DPY19L4: variants seen among roughly 807,000 people sequenced by gnomAD.
DPY19L4 encodes probable C-mannosyltransferase DPY19L4.
DPY19L4 carries 97 observed loss-of-function variants against 102.8 expected under a neutral mutation model. The observed-to-expected ratio is 0.94, with a 90% CI of 0.80 to 1.12. The LOEUF (loss-of-function observed/expected upper bound fraction) is 1.12. DPY19L4 is among the 50% of genes most tolerant of loss of function. The probability of loss-of-function intolerance (pLI) is 0.00; values close to 1 mark genes in which losing one functional copy is unlikely to be tolerated. For synonymous variants in DPY19L4, 252 were observed against 283.1 expected, an observed-to-expected ratio of 0.89 and a Z score of 1.10; for missense variants, 815 against 850.4, an observed-to-expected ratio of 0.96 and a Z score of 0.52.
At chr8:94,747,477 G>A (rs1316386287) in intron 6 of DPY19L4, among the ~76,000 whole-genome samples, 3 of 151,648 alleles carry the variant, frequency 2.0e-5, no homozygotes, top group African/African-American at 7.3e-5. Context: ...ACACGAAAGT[G>A]AGCACTGAAG....
At chr8:94,759,563 A>G (rs1357150815) in intron 7 of DPY19L4, among the ~76,000 whole-genome samples, 1 of 127,746 alleles carries the variant, frequency 7.8e-6, no homozygotes, top group Non-Finnish European at 1.6e-5. Context: ...CTAGAGTGCA[A>G]TGGCATGATC....
chr8:94,731,062 A>C (rs1286590382), intron 2 of DPY19L4, among the ~76,000 whole-genome samples: 24 of 151,626 alleles, frequency 1.6e-4, no homozygotes, highest in African/African-American at 5.8e-4. Flanking sequence ...TCTCAAAAAA[A>C]AAAAAAAAAA....
In DPY19L4 at chr8:94,790,314, C is replaced by T. The variant is rs1813839736; in HGVS notation, c.*404C>T. Reference sequence around the variant, plus strand: ...TAATTATTTAATAGAAAGAATAATTCCGACCTTCAAGCAAGTTTCTGAAGG... The same window carrying T: ...TAATTATTTAATAGAAAGAATAATTTCGACCTTCAAGCAAGTTTCTGAAGG... On this transcript the variant is annotated 3_prime_UTR_variant, in exon 19 of 19. Coordinates refer to ENST00000414645, the MANE Select transcript of DPY19L4 (RefSeq NM_181787.3). 1 of 152,758 alleles carries T rather than the reference C, an allele frequency of 6.5e-6. No homozygotes were observed. Among genetic ancestry groups the T allele is most frequent in the Admixed American group, 6.5e-5 (1 of 15,270 alleles). 9.5% of individuals were successfully genotyped at this position (152,758 alleles called of 1,614,324 possible). A position where few individuals can be genotyped will look rare whatever the true frequency, so the allele number is the denominator to read the frequency against.
intron 13 of DPY19L4, among the ~76,000 whole-genome samples, chr8:94,774,547 C>T (rs1026184089): frequency 2.0e-5 from 3 of 150,668 alleles, no homozygotes; most frequent in Admixed American, 2.0e-4. Flanking sequence ...CCCTCAACCT[C>T]TAATAATCAC....
intron 6 of DPY19L4, 21 bp downstream of exon 6, chr8:94,739,811 G>T (rs879207375): frequency 6.2e-7 from 1 of 1,609,194 alleles, no homozygotes; most frequent in South Asian, 1.1e-5. Context: ...TGTTTTAATT[G>T]ATTTTTAAAA....
At chr8:94,723,794 A>G (rs768028854) in intron 1 of DPY19L4, among the ~76,000 whole-genome samples, 11 of 152,146 alleles carry the variant, frequency 7.2e-5, no homozygotes, top group Non-Finnish European at 1.2e-4. Flanking sequence ...TGAAAAACCT[A>G]TTAAGTAGTA....
chr8:94,739,664 A>G lies in DPY19L4; in HGVS notation c.485A>G (p.Tyr162Cys). Residue 162 changes from tyrosine to cysteine, a missense_variant, in exon 6 of 19, where the codon TAT becomes TGT. Physicochemically the swap from Tyr to Cys is radical, Grantham distance 194 (BLOSUM62 -2). Coordinates refer to ENST00000414645, the MANE Select transcript of DPY19L4 (RefSeq NM_181787.3). ...ACATAGGAGATTATTGAGCCAGTGTATTTCTATATTGGCATTGTTTTTGGA... is the reference window on the plus strand; with the variant it reads ...ACATAGGAGATTATTGAGCCAGTGTGTTTCTATATTGGCATTGTTTTTGGA... ...TGSNEIIEPVYFYIGIVFGLQ... is the reference protein window; with the variant it reads ...TGSNEIIEPVCFYIGIVFGLQ... 1 of 1,613,958 alleles carries G rather than the reference A, an allele frequency of 6.2e-7. No homozygotes were observed. Among genetic ancestry groups the G allele is most frequent in the Non-Finnish European group, 8.5e-7 (1 of 1,179,962 alleles).
rs1178216500 is a variant in DPY19L4 at position 94,780,378 on chromosome 8, C to T, written c.1595C>T (p.Ala532Val). Residue 532 changes from alanine to valine, a missense_variant, in exon 15 of 19, where the codon GCC becomes GTC. Transcript: ENST00000414645. ...TTTTAGGCTCTTATTCTGAGCATGG[C>T]CGTGCCTACTATAATAGGTCTCAGC... Reference protein sequence around the residue: ...PILLALILSMAVPTIIGLSLW... With the variant: ...PILLALILSMVVPTIIGLSLW... 2 of 1,486,366 alleles carry T rather than the reference C, an allele frequency of 1.3e-6. No homozygotes were observed. The highest frequency in any genetic ancestry group is 1.8e-6 in the Non-Finnish European group (2 of 1,103,446). The allele number at this position is 1,486,366 out of a possible 1,614,324, so 92.1% of individuals were successfully genotyped here. A position where few individuals can be genotyped will look rare whatever the true frequency, so the allele number is the denominator to read the frequency against.
chr8:94,739,898 C>G, intron 6 of DPY19L4, 108 bp downstream of exon 6: 1 of 1,320,372 alleles, frequency 7.6e-7, no homozygotes, highest in Non-Finnish European at 1.0e-6. Context: ...TCCTCAGAAC[C>G]TATGAATATG....
rs1233471276 is a variant in DPY19L4 at position 94,756,153 on chromosome 8, T to C, written c.729T>C (p.Tyr243=). The C allele has an allele frequency of 4.3e-6, 7 of 1,613,038 alleles. No homozygotes were observed. Among genetic ancestry groups the C allele is most frequent in the African/African-American group, 4.0e-5 (3 of 74,910 alleles). ...ATTTAAAAAGCAACTTAAATACTTA[T>C]GGAGAGGTAAGATACAAATCTGTTT... The part of the protein sequence containing the change: ...TGYLKSNLNT[Y]GERFCYLLMS... Residue 243 remains tyrosine, a synonymous_variant, in exon 7 of 19, where the codon TAT becomes TAC. Transcript: ENST00000414645.
At chr8:94,746,125 G>A (rs934949163) in intron 6 of DPY19L4, among the ~76,000 whole-genome samples, 2 of 137,646 alleles carry the variant, frequency 1.5e-5, no homozygotes, top group Admixed American at 8.0e-5. Context: ...GCAGGGGTGC[G>A]ATCTTGGCTC....
chr8:94,738,365 T>A lies in DPY19L4; in HGVS notation c.253-4T>A. 12 of 1,492,462 alleles carry A rather than the reference T, an allele frequency of 8.0e-6. No homozygotes were observed. Among genetic ancestry groups the A allele is most frequent in the Non-Finnish European group, 9.8e-6 (11 of 1,120,506 alleles). 92.5% of individuals were successfully genotyped at this position (1,492,462 alleles called of 1,614,324 possible). ...TTTTAAATAATAATTTCATTTTCTT[T>A]TAGGAGCTTGAACGGGAAATCACGT... is the stretch of plus-strand genomic sequence containing the variant. On this transcript the variant is annotated splice_polypyrimidine_tract_variant and splice_region_variant and intron_variant, in intron 3 of 18. Transcript: ENST00000414645.
At chr8:94,780,915 G>A (rs1043637977) in intron 15 of DPY19L4, among the ~76,000 whole-genome samples, 169 bp from the exon 16 acceptor site, 1 of 152,040 alleles carries the variant, frequency 6.6e-6, no homozygotes, top group African/African-American at 2.4e-5. Flanking sequence ...GGCCATTGAA[G>A]GAAAGCAAAG....
intron 8 of DPY19L4, among the ~76,000 whole-genome samples, chr8:94,764,541 ACTCTAGCCTGGGCGAC>A (rs1215963163): frequency 7.0e-6 from 1 of 143,522 alleles, no homozygotes; most frequent in Non-Finnish European, 1.5e-5. Context: ...GCGCCACTGC[ACTCTAGCCTGGGCGAC>A]AGAGCGAGAC....
chr8:94,759,503 T>C (rs1392545814), intron 7 of DPY19L4, among the ~76,000 whole-genome samples: 1 of 88,530 alleles, frequency 1.1e-5, no homozygotes, highest in Non-Finnish European at 2.3e-5. Context: ...ACATGTTCTT[T>C]TTTTTTTTTT....
chr8:94,723,344 A>G (rs1021988957), intron 1 of DPY19L4, among the ~76,000 whole-genome samples: 2 of 152,084 alleles, frequency 1.3e-5, no homozygotes, highest in Non-Finnish European at 2.9e-5. Context: ...GTAGTGGCGG[A>G]TGCCTGTAAT....
At chr8:94,731,502 C>T (rs1810951848) in intron 2 of DPY19L4, among the ~76,000 whole-genome samples, 1 of 152,048 alleles carries the variant, frequency 6.6e-6, no homozygotes, top group African/African-American at 2.4e-5. Context: ...CTGCAACCTC[C>T]ACCTCCCGGG....
chr8:94,756,112 G>T lies in DPY19L4; in HGVS notation c.688G>T (p.Ala230Ser). The change falls in exon 7 of 19, where the codon GCT (alanine) becomes TCT (serine). Residue 230 changes from alanine to serine, a missense_variant. By Grantham distance (99) the Ala-to-Ser change is moderately conservative. Coordinates refer to ENST00000414645, the MANE Select transcript of DPY19L4 (RefSeq NM_181787.3). The stretch of plus-strand genomic sequence containing the variant: ...ACTACCATATTTTGCATGCCAAATT[G>T]CTGCACTTACAGGCTATTTAAAAAG... ...WALPYFACQI[A>S]ALTGYLKSNL... 1 of 1,613,800 alleles carries T rather than the reference G, an allele frequency of 6.2e-7. No homozygotes were observed. Among genetic ancestry groups the T allele is most frequent in the Non-Finnish European group, 8.5e-7 (1 of 1,179,914 alleles).
At chr8:94,741,354 A>T (rs1811437342) in intron 6 of DPY19L4, among the ~76,000 whole-genome samples, 1 of 152,110 alleles carries the variant, frequency 6.6e-6, no homozygotes, top group Non-Finnish European at 1.5e-5. Flanking sequence ...CCAGTTTGTA[A>T]CCTTTGCCTT....
Sources: allele counts gnomAD v4.1 joint callset (sites outside exome capture counted in the v4.1 genomes callset), GRCh38; gene constraint gnomAD v4.1.1; transcripts MANE v1.5; gene names NCBI Gene and HGNC (gene_info 2026-07-23, HGNC 2026-07-21).